Variants in NMNAT1 observed in about 807,000 individuals in gnomAD.
The protein encoded by NMNAT1 is nicotinamide nucleotide adenylyltransferase 1, also known as nicotinamide/nicotinic acid mononucleotide adenylyltransferase 1.
NMNAT1 carries 11 observed loss-of-function variants against 16.7 expected under a neutral mutation model. The observed-to-expected ratio is 0.66, with a 90% CI of 0.41 to 1.09. The LOEUF (loss-of-function observed/expected upper bound fraction) is 1.09, where lower values mean the gene tolerates loss of function less well. Ranked by LOEUF, NMNAT1 falls within the 50% of genes least tolerant of loss-of-function variation. The pLI is 0.00. For synonymous variants in NMNAT1, 110 were observed against 119.8 expected, an observed-to-expected ratio of 0.92 and a Z score of 0.53; for missense variants, 280 against 332.3, an observed-to-expected ratio of 0.84 and a Z score of 1.22.
chr1:9,971,867 G>A (rs1012808082), intron 1 of NMNAT1, among the ~76,000 whole-genome samples, 151 bp from the exon 2 acceptor site: 24 of 152,056 alleles, frequency 1.6e-4, no homozygotes, highest in Non-Finnish European at 2.9e-4. Context: ...CTACTTGAGA[G>A]GCTGAGGTGG....
intron 2 of NMNAT1, among the ~76,000 whole-genome samples, chr1:9,972,826 T>A (rs1641719018): frequency 6.6e-6 from 1 of 152,070 alleles, no homozygotes; most frequent in African/African-American, 2.4e-5. Context: ...CCAGGTATGG[T>A]GGCATGTGCC....
intron 1 of NMNAT1, among the ~76,000 whole-genome samples, chr1:9,971,113 C>T (rs1641677531): frequency 1.3e-5 from 2 of 152,124 alleles, no homozygotes; most frequent in African/African-American, 4.8e-5. Flanking sequence ...GGGTGGTTGT[C>T]TATCAGTGGG....
chr1:9,975,667 A>G lies in NMNAT1; in HGVS notation c.191A>G (p.Tyr64Cys), dbSNP rs1174982889. 3 of 1,613,916 alleles carry G rather than the reference A, an allele frequency of 1.9e-6. No homozygotes were observed. Among genetic ancestry groups the G allele is most frequent in the Non-Finnish European group, 2.5e-6 (3 of 1,179,916 alleles). The change falls in exon 3 of 5, where the codon TAT becomes TGT. Residue 64 changes from tyrosine (Y) to cysteine (C), a missense_variant. Coordinates refer to ENST00000377205, the MANE Select transcript of NMNAT1 (RefSeq NM_022787.4). ...AYKKKGLIPAYHRVIMAELAT... is the reference protein window; with the variant it reads ...AYKKKGLIPACHRVIMAELAT... ...AAGAAGAAAGGACTCATTCCTGCCT[A>G]TCACCGGGTCATCATGGCAGAACTT... is the stretch of plus-strand genomic sequence containing the variant.
At chr1:9,975,076 A>G (rs1557471317) in intron 2 of NMNAT1, among the ~76,000 whole-genome samples, 1 of 152,198 alleles carries the variant, frequency 6.6e-6, no homozygotes. Context: ...GATAGGAGCG[A>G]TGGTTGCACA....
intron 3 of NMNAT1, among the ~76,000 whole-genome samples, chr1:9,976,057 C>T (rs552592219): frequency 2.0e-5 from 3 of 152,142 alleles, no homozygotes; most frequent in Non-Finnish European, 2.9e-5. Context: ...GAGGCTGAGG[C>T]GGGTGGATCA....
intron 1 of NMNAT1, chr1:9,960,902 A>T (rs1324283388): frequency 6.6e-6 from 1 of 152,214 alleles, no homozygotes; most frequent in Admixed American, 6.6e-5. Flanking sequence ...CCCTATACGC[A>T]TGCGCATGTG....
At chr1:9,985,990 T>G (rs947618947), downstream of NMNAT1, among the ~76,000 whole-genome samples, 1 of 152,118 alleles carries the variant, frequency 6.6e-6, no homozygotes, top group African/African-American at 2.4e-5. Flanking sequence ...CCTGGTCCCA[T>G]TATTCTCTGT....
intron 1 of NMNAT1, among the ~76,000 whole-genome samples, chr1:9,964,382 T>C (rs993658867): frequency 6.6e-6 from 1 of 150,894 alleles, no homozygotes; most frequent in Admixed American, 6.6e-5. Context: ...TACAAAAAAA[T>C]AGAAAGATAA....
chr1:9,992,871 C>G, the NMNAT1 span, among the ~76,000 whole-genome samples: 1 of 151,816 alleles, frequency 6.6e-6, no homozygotes, highest in African/African-American at 2.4e-5. Flanking sequence ...GAGATCGCAC[C>G]AATGCACTCC....
In NMNAT1 at chr1:9,985,328, CAG is replaced by C. The variant is rs1381403045; in HGVS notation, c.*2628_*2629del. 6.6e-6 allele frequency: 1 copy of C among 152,170 alleles called. No homozygotes were observed. Among genetic ancestry groups the C allele is most frequent in the Non-Finnish European group, 1.5e-5 (1 of 68,044 alleles). The allele number at this position is 152,170 out of a possible 1,614,324, so 9.4% of individuals were successfully genotyped here. ...TTATATCATAAGGAAACGGCAAAAT[CAG>C]GGGACTGGTATAAATGGTGAGCTGA... On this transcript the variant is annotated 3_prime_UTR_variant, in exon 5 of 5. Transcript: ENST00000377205.
chr1:9,957,338 A>G (rs1041969055), intron 1 of NMNAT1, among the ~76,000 whole-genome samples: 3 of 117,256 alleles, frequency 2.6e-5, no homozygotes, highest in African/African-American at 9.8e-5. Flanking sequence ...CTTGTTTACC[A>G]TTTTTTTTTT....
chr1:9,971,459 G>A (rs1318220627), intron 1 of NMNAT1, among the ~76,000 whole-genome samples: 1 of 151,910 alleles, frequency 6.6e-6, no homozygotes, highest in African/African-American at 2.4e-5. Context: ...GATTACAGGT[G>A]CCTGTCACCA....
chr1:9,974,170 CTCT>C (rs1641754959), intron 2 of NMNAT1, among the ~76,000 whole-genome samples: 1 of 151,954 alleles, frequency 6.6e-6, no homozygotes, highest in Non-Finnish European at 1.5e-5. Context: ...TATCCTTCCA[CTCT>C]TCTTTGTATG....
chr1:9,960,288 AAAAAAC>A (rs144111185), intron 1 of NMNAT1, among the ~76,000 whole-genome samples: 68 of 151,940 alleles, frequency 4.5e-4, no homozygotes, highest in South Asian at 1.2e-3. Flanking sequence ...CTATCTCTAA[AAAAAAC>A]AAAAACAAAA....
intron 1 of NMNAT1, among the ~76,000 whole-genome samples, chr1:9,943,951 C>T (rs935660412): frequency 6.6e-6 from 1 of 152,080 alleles, no homozygotes; most frequent in Non-Finnish European, 1.5e-5. Flanking sequence ...AGCTGTAGGG[C>T]AGCTCTTAAA....
At position 9,983,084 on chromosome 1, in the gene NMNAT1, G is replaced by A. The variant is rs11121510; in HGVS notation, c.*383G>A. On this transcript the variant is annotated 3_prime_UTR_variant, in exon 5 of 5. Coordinates refer to ENST00000377205, the MANE Select transcript of NMNAT1 (RefSeq NM_022787.4). ...TTGCACCATTGCACTCCAGCCTGGC[G>A]ACAGAGCAAGACTCTGTCTCAAAAA... 0.67 allele frequency: 100,403 copies of A among 150,870 alleles called. 37,992 individuals carry two copies. The highest frequency in any genetic ancestry group is 0.85 in the Non-Finnish European group (59,296 of 69,574). The allele number at this position is 150,870 out of a possible 1,614,324, so 9.3% of individuals were successfully genotyped here. A position where few individuals can be genotyped will look rare whatever the true frequency, so the allele number is the denominator to read the frequency against.
chr1:9,956,731 C>CTTT (rs1269404630), intron 1 of NMNAT1, among the ~76,000 whole-genome samples: 15 of 119,380 alleles, frequency 1.3e-4, no homozygotes, highest in South Asian at 2.7e-4. Context: ...CCTTGTTTAC[C>CTTT]TTTTTTTTTT....
At chr1:9,972,455 C>A in intron 2 of NMNAT1, 2 of 237,450 alleles carry the variant, frequency 8.4e-6, no homozygotes, top group South Asian at 7.8e-5. Context: ...GAGATTGCTG[C>A]ACTGCACTCC....
downstream of NMNAT1, among the ~76,000 whole-genome samples, chr1:9,988,734 A>ATT (rs70998338): frequency 1.7e-3 from 219 of 128,466 alleles, 1 homozygote; most frequent in Middle Eastern, 4.4e-3. Flanking sequence ...GGGTACCTTG[A>ATT]TTTTTTTTTT....
Sources: allele counts gnomAD v4.1 joint callset (sites outside exome capture counted in the v4.1 genomes callset), GRCh38; gene constraint gnomAD v4.1.1; transcripts MANE v1.5; gene names NCBI Gene and HGNC (gene_info 2026-07-23, HGNC 2026-07-21).